CHD5: variants seen among roughly 807,000 people sequenced by gnomAD.
The protein encoded by CHD5 is ATP-dependent chromatin remodeler CHD5.
CHD5 carries 69 observed loss-of-function variants against 230.3 expected under a neutral mutation model. The ratio of observed to expected loss-of-function variants is 0.30; its 90% confidence interval spans 0.25 to 0.37. The LOEUF (loss-of-function observed/expected upper bound fraction) is 0.37. CHD5 is among the 10% of genes least tolerant of loss of function. The pLI, the probability that CHD5 is intolerant of heterozygous loss-of-function variation, is 1.00. For missense variants in CHD5, 1,827 were observed against 2,622.8 expected, an observed-to-expected ratio of 0.70 and a Z score of 6.63; for synonymous variants, 1,064 against 1,065.9, an observed-to-expected ratio of 1.00 and a Z score of 0.03.
Position 6,126,098 on chromosome 1 carries a change from G to C in CHD5, c.4079-240C>G, listed in dbSNP as rs551460449. 1.3e-5 allele frequency among the ~76,000 whole-genome samples: 2 copies of C among 152,102 alleles called. No homozygotes were observed. The highest frequency in any genetic ancestry group is 4.8e-5 in the African/African-American group (2 of 41,396). On this transcript the variant is annotated intron_variant, in intron 26 of 41. Coordinates refer to ENST00000262450, the MANE Select transcript of CHD5 (RefSeq NM_015557.3). This position sits in a 1 kb window ranked among gnomAD's most constrained non-coding sequence, Gnocchi z 5.7. ...ACTGTGTGCAAGGGACGTGCCCAAGGCCACGTCACGAGCAGTGGTGAAGTC... is the reference window on the plus strand; with the variant it reads ...ACTGTGTGCAAGGGACGTGCCCAAGCCCACGTCACGAGCAGTGGTGAAGTC...
At chr1:6,165,339 A>G (rs992938562) in intron 2 of CHD5, among the ~76,000 whole-genome samples, 6 of 152,132 alleles carry the variant, frequency 3.9e-5, no homozygotes, top group Non-Finnish European at 8.8e-5. Context: ...GGGCTCCCAC[A>G]GGTCTCTGCT....
rs556513307 is a variant in CHD5 at position 6,130,580 on chromosome 1, G to C, written c.3263-252C>G. Among the ~76,000 whole-genome samples the C allele has an allele frequency of 6.6e-6, 1 of 152,260 alleles. No homozygotes were observed. Among genetic ancestry groups the C allele is most frequent in the South Asian group, 2.1e-4 (1 of 4,822 alleles). ...CAGTGGGAGGGCACTGGAACGAGGA[G>C]GTCAATTTTCAAACCCCAGATGAGC... On this transcript the variant is annotated intron_variant, in intron 21 of 41. Transcript: ENST00000262450. The surrounding 1 kb of genome is among the most constrained non-coding windows in gnomAD (Gnocchi z 4.9).
intron 1 of CHD5, among the ~76,000 whole-genome samples, chr1:6,179,494 C>A (rs1667479132): frequency 6.6e-6 from 1 of 152,060 alleles, no homozygotes; most frequent in South Asian, 2.1e-4. Context: ...GCCCGCCCCG[C>A]GGCCGACATG....
At chr1:6,160,122 C>T (rs1321903021) in intron 2 of CHD5, among the ~76,000 whole-genome samples, 1 of 128,484 alleles carries the variant, frequency 7.8e-6, no homozygotes, top group Non-Finnish European at 1.6e-5. Context: ...AGGGCCCCAG[C>T]CAGGGAAGGG....
chr1:6,109,169 G>A (rs1174676219), intron 38 of CHD5, among the ~76,000 whole-genome samples: 5 of 152,048 alleles, frequency 3.3e-5, no homozygotes, highest in African/African-American at 9.7e-5. Context: ...GCTGCCTGAC[G>A]CTGGGCTTCC....
Position 6,146,401 on chromosome 1 carries a change from A to G in CHD5, c.1613T>C (p.Met538Thr). Residue 538 changes from methionine (M) to threonine (T), a missense_variant, in exon 11 of 42, where the codon ATG (methionine) becomes ACG (threonine). By Grantham distance (81) the Met-to-Thr change is moderately conservative. This residue lies in a region of CHD5 where 657 missense variants were observed against 816.4 expected (regional missense o/e 0.80). Transcript: ENST00000262450. This position sits in a 1 kb window ranked among gnomAD's most constrained non-coding sequence, Gnocchi z 5.1. ...GTTCTTTCTTTGGTAGTTGCGATAC[A>G]TCACCGTGTGGTACAGCTCCAGCTG... ...ELQLELYHTVMYRNYQRKNDM... is the reference protein window; with the variant it reads ...ELQLELYHTVTYRNYQRKNDM... 1 of 1,614,072 alleles carries G rather than the reference A, an allele frequency of 6.2e-7. No individual in the cohort carries two copies. The highest frequency in any genetic ancestry group is 8.5e-7 in the Non-Finnish European group (1 of 1,180,004).
At chr1:6,164,542 T>C (rs1435334518) in intron 2 of CHD5, among the ~76,000 whole-genome samples, 3 of 152,174 alleles carry the variant, frequency 2.0e-5, no homozygotes, top group Non-Finnish European at 4.4e-5. Context: ...AACAAACTGC[T>C]GCTTGCGGCC....
rs1667280148 is a variant in CHD5, at chr1:6,167,926, T to C, written c.207+224A>G. Among the ~76,000 whole-genome samples, 1 of 152,094 alleles carries C rather than the reference T, an allele frequency of 6.6e-6. No individual in the cohort carries two copies. Among genetic ancestry groups the C allele is most frequent in the South Asian group, 2.1e-4 (1 of 4,824 alleles). On this transcript the variant is annotated intron_variant, in intron 2 of 41. Transcript: ENST00000262450. The surrounding 1 kb of genome is among the most constrained non-coding windows in gnomAD (Gnocchi z 4.5). Reference sequence around the variant, plus strand: ...CAACGGGAGGAAGGAAAAATGACGCTCCGACATCCTGCTCCGGAAACAGGA... The same window carrying C: ...CAACGGGAGGAAGGAAAAATGACGCCCCGACATCCTGCTCCGGAAACAGGA...
chr1:6,152,025 TC>T (rs1335344783), intron 6 of CHD5, among the ~76,000 whole-genome samples: 1 of 148,242 alleles, frequency 6.7e-6, no homozygotes, highest in African/African-American at 2.5e-5. Context: ...ACCCAACTAC[TC>T]CCCCCGAGAG....
At chr1:6,176,002 A>G (rs1667421428) in intron 1 of CHD5, among the ~76,000 whole-genome samples, 1 of 151,340 alleles carries the variant, frequency 6.6e-6, no homozygotes, top group Admixed American at 6.6e-5. Context: ...GTGGGTAGGT[A>G]GATGGATGGA....
At chr1:6,108,530 C>T (rs566367307) in intron 38 of CHD5, among the ~76,000 whole-genome samples, 7 of 106,252 alleles carry the variant, frequency 6.6e-5, no homozygotes, top group Admixed American at 1.0e-4. Flanking sequence ...GAAGGGATGA[C>T]GGAGAGATGG....
At chr1:6,169,203 G>T (rs984532464) in intron 1 of CHD5, among the ~76,000 whole-genome samples, 1 of 152,052 alleles carries the variant, frequency 6.6e-6, no homozygotes, top group South Asian at 2.1e-4. Context: ...CGTGGATCCC[G>T]CACCTGTGCA....
At chr1:6,157,075 T>A (rs1013633466) in intron 3 of CHD5, among the ~76,000 whole-genome samples, 1 of 152,202 alleles carries the variant, frequency 6.6e-6, no homozygotes, top group African/African-American at 2.4e-5. Flanking sequence ...CAAAATGCGT[T>A]AGCAATTGTT....
chr1:6,124,615 C>T lies in CHD5; in HGVS notation c.4441G>A (p.Asp1481Asn). The change falls in exon 30 of 42, where the codon GAT becomes AAT. Residue 1481 changes from aspartate to asparagine, a missense_variant. Physicochemically the swap from Asp to Asn is conservative, Grantham distance 23 (BLOSUM62 1). Transcript: ENST00000262450. Reference protein sequence around the residue: ...FMRHLCEPGADGAETFADGVP... With the variant: ...FMRHLCEPGANGAETFADGVP... ...CCGTCTGCGAAGGTCTCTGCACCAT[C>T]CGCCCCCGGCTCACACAGGTGCCGC... The T allele has an allele frequency of 6.2e-7, 1 of 1,603,896 alleles. No individual in the cohort carries two copies. Among genetic ancestry groups the T allele is most frequent in the Non-Finnish European group, 8.5e-7 (1 of 1,175,276 alleles).
Position 6,155,842 on chromosome 1 carries a change from A to C in CHD5, c.388-125T>G. 1.4e-6 allele frequency: 1 copy of C among 689,826 alleles called. No individual in the cohort carries two copies. Among genetic ancestry groups the C allele is most frequent in the East Asian group, 2.7e-5 (1 of 37,330 alleles). The allele number at this position is 689,826 out of a possible 1,614,324, so 42.7% of individuals were successfully genotyped here. On this transcript the variant is annotated intron_variant, in intron 3 of 41. Coordinates refer to ENST00000262450, the MANE Select transcript of CHD5 (RefSeq NM_015557.3). The surrounding 1 kb of genome is among the most constrained non-coding windows in gnomAD (Gnocchi z 4.0). ...GAGGAGGGGTTGTGTCTGCAATGTA[A>C]CCAGACCATTCTCACCCACCCTAGG... is the stretch of plus-strand genomic sequence containing the variant.
At chr1:6,141,648 T>G (rs1314239898) in intron 15 of CHD5, among the ~76,000 whole-genome samples, 1 of 151,950 alleles carries the variant, frequency 6.6e-6, no homozygotes, top group Non-Finnish European at 1.5e-5. Context: ...GTAGCTAAGA[T>G]GAGATCATAC....
intron 9 of CHD5, among the ~76,000 whole-genome samples, chr1:6,147,390 C>T (rs947865315): frequency 4.6e-5 from 7 of 152,210 alleles, no homozygotes; most frequent in Admixed American, 2.0e-4. Flanking sequence ...TGCACCCAGG[C>T]ACCGTGCGTC....
chr1:6,174,852 T>C (rs1271450718), intron 1 of CHD5, among the ~76,000 whole-genome samples: 1 of 148,854 alleles, frequency 6.7e-6, no homozygotes, highest in Non-Finnish European at 1.5e-5. Flanking sequence ...AATGGATGAA[T>C]GACGGATGGA....
In CHD5 at chr1:6,106,500, C is replaced by T. The variant is rs145030669; in HGVS notation, c.5752G>A (p.Gly1918Ser). ...GDPTIQQGAF[G>S]SSQMYSNNFG... is the part of the protein sequence containing the mutation. ...TTGTTGCTGTACATCTGGGAGGAGC[C>T]GAAAGCGCCCTGGAGGCAAGGACTC... The change falls in exon 40 of 42, where the codon GGC becomes AGC. Residue 1918 changes from glycine to serine, a missense_variant. Around this residue, in one of 14 missense-constraint regions of CHD5, gnomAD observed 208 missense variants for 302.0 expected, o/e 0.69. Coordinates refer to ENST00000262450, the MANE Select transcript of CHD5 (RefSeq NM_015557.3). 2 of 1,552,194 alleles carry T rather than the reference C, an allele frequency of 1.3e-6. No homozygotes were observed. The highest frequency in any genetic ancestry group is 1.7e-6 in the Non-Finnish European group (2 of 1,147,926).
Sources: allele counts gnomAD v4.1 joint callset (sites outside exome capture counted in the v4.1 genomes callset), GRCh38; gene constraint gnomAD v4.1.1; regional missense constraint gnomAD v4.1.1; non-coding constraint Gnocchi (gnomAD v3.1); transcripts MANE v1.5; gene names NCBI Gene and HGNC (gene_info 2026-07-23, HGNC 2026-07-21).